Variants in ACBD6 observed in about 807,000 individuals in gnomAD.
ACBD6 encodes acyl-CoA-binding domain-containing protein 6.
ACBD6 carries 28 observed loss-of-function variants against 37.2 expected under a neutral mutation model. The ratio of observed to expected loss-of-function variants is 0.75; its 90% CI spans 0.56 to 1.03. The LOEUF is 1.03. ACBD6 is among the 50% of genes least tolerant of loss of function. The pLI, the probability that ACBD6 is intolerant of heterozygous loss-of-function variation, is 0.00. For missense variants in ACBD6, 340 were observed against 337.4 expected (o/e 1.01, Z -0.06); for synonymous variants, 113 against 126.8 (o/e 0.89, Z 0.73).
intron 2 of ACBD6, among the ~76,000 whole-genome samples, chr1:180,494,656 A>C (rs1320033642): frequency 6.6e-6 from 1 of 152,190 alleles, no homozygotes. Context: ...GTAAGAACCC[A>C]TATTTTATCA....
chr1:180,347,556 C>G (rs963098685), intron 6 of ACBD6, among the ~76,000 whole-genome samples: 14 of 152,132 alleles, frequency 9.2e-5, no homozygotes, highest in Admixed American at 3.3e-4. Flanking sequence ...AGGGTTTCAC[C>G]ATGTTGGCCC....
rs60952361 is a variant in ACBD6, at chr1:180,419,856, AGAGGTGGCAGGT to A, written c.468-6397_468-6386del. ...CTGTCTCAGCACTGGCAGAGGCAGA[AGAGGTGGCAGGT>A]GAGGCAGGCACACTCAGTGTAGCTT... On this transcript the variant is annotated intron_variant, in intron 4 of 7. Transcript: ENST00000367595. 6.6e-3 allele frequency among the ~76,000 whole-genome samples: 1,010 copies of A among 152,322 alleles called. 15 individuals are homozygous for A. Among genetic ancestry groups the A allele is most frequent in the African/African-American group, 0.023 (964 of 41,570 alleles).
intron 3 of ACBD6, among the ~76,000 whole-genome samples, chr1:180,447,817 A>C (rs1649530465): frequency 6.6e-6 from 1 of 152,152 alleles, no homozygotes; most frequent in Non-Finnish European, 1.5e-5. Context: ...CTCAAAAATA[A>C]ACAGGAAAAG....
intron 5 of ACBD6, among the ~76,000 whole-genome samples, chr1:180,412,647 T>C (rs1342468937): frequency 6.6e-6 from 1 of 152,050 alleles, no homozygotes; most frequent in Admixed American, 6.6e-5. Flanking sequence ...AGGAGGATCA[T>C]TTGAGGCCAG....
intron 6 of ACBD6, among the ~76,000 whole-genome samples, chr1:180,351,582 G>GTTTT (rs59490649): frequency 8.2e-5 from 8 of 97,002 alleles, no homozygotes; most frequent in African/African-American, 1.1e-4. Context: ...CCGATATTAC[G>GTTTT]TTTTTTTTTT....
intron 3 of ACBD6, among the ~76,000 whole-genome samples, chr1:180,469,298 G>A (rs1286112413): frequency 6.6e-6 from 1 of 152,016 alleles, no homozygotes; most frequent in Non-Finnish European, 1.5e-5. Context: ...AACAAACATT[G>A]GTAGTTTTGA....
intron 3 of ACBD6, among the ~76,000 whole-genome samples, chr1:180,448,143 T>C (rs904095756): frequency 3.9e-5 from 6 of 152,216 alleles, no homozygotes; most frequent in African/African-American, 1.4e-4. Flanking sequence ...CAGGTACTAA[T>C]AAGCTAATGG....
chr1:180,337,673 G>A (rs182624121), intron 6 of ACBD6, among the ~76,000 whole-genome samples: 168 of 152,306 alleles, frequency 1.1e-3, no homozygotes, highest in African/African-American at 3.3e-3. Context: ...GCAGGAAAAG[G>A]AAATAAAGGG....
chr1:180,350,022 CCT>C (rs1491573380), intron 6 of ACBD6, among the ~76,000 whole-genome samples: 11 of 131,516 alleles, frequency 8.4e-5, no homozygotes, highest in South Asian at 4.6e-4. Context: ...CTCCAGTGAC[CCT>C]TTTTTTTTTT....
intron 3 of ACBD6, among the ~76,000 whole-genome samples, chr1:180,482,875 G>A (rs961998566): frequency 7.9e-5 from 12 of 152,150 alleles, no homozygotes; most frequent in African/African-American, 2.2e-4. Flanking sequence ...AGTGTGTGGG[G>A]CAAGGTACTT....
intron 4 of ACBD6, among the ~76,000 whole-genome samples, chr1:180,419,095 C>CA (rs1648238704): frequency 6.6e-6 from 1 of 152,196 alleles, no homozygotes; most frequent in Non-Finnish European, 1.5e-5. Context: ...ACTAAAAATA[C>CA]AAAAAATTAG....
intron 6 of ACBD6, among the ~76,000 whole-genome samples, chr1:180,358,887 C>G (rs553482265): frequency 6.6e-5 from 10 of 152,334 alleles, no homozygotes; most frequent in African/African-American, 2.4e-4. Context: ...CACTGACCTC[C>G]TCTATGCAGT....
chr1:180,333,688 AC>A (rs915094652), intron 6 of ACBD6, among the ~76,000 whole-genome samples: 49 of 152,326 alleles, frequency 3.2e-4, no homozygotes, highest in African/African-American at 1.1e-3. Flanking sequence ...AGTGCAGCGC[AC>A]TGAGCGTGAG....
At chr1:180,282,681 G>A (rs922961702) in intron 8 of ACBD6, among the ~76,000 whole-genome samples, 4 of 152,150 alleles carry the variant, frequency 2.6e-5, no homozygotes, top group Admixed American at 2.6e-4. Flanking sequence ...CAACTGCAGG[G>A]CTTAAAGCTG....
chr1:180,483,736 A>T (rs1351490541), intron 3 of ACBD6, among the ~76,000 whole-genome samples: 1 of 152,206 alleles, frequency 6.6e-6, no homozygotes, highest in South Asian at 2.1e-4. Flanking sequence ...CTGGAGAGAG[A>T]TCATTAATGT....
At chr1:180,485,100 C>T (rs938032806) in intron 3 of ACBD6, among the ~76,000 whole-genome samples, 1 of 151,440 alleles carries the variant, frequency 6.6e-6, no homozygotes, top group Non-Finnish European at 1.5e-5. Context: ...GTGTGTGTAT[C>T]TATAGATACA....
intron 2 of ACBD6, among the ~76,000 whole-genome samples, chr1:180,493,276 A>AAAAAC (rs1651593881): frequency 8.8e-6 from 1 of 113,370 alleles, no homozygotes; most frequent in Non-Finnish European, 1.8e-5. Context: ...AAAAAAAAAA[A>AAAAAC]AACAACAACA....
At chr1:180,456,436 G>T (rs1467201518) in intron 3 of ACBD6, among the ~76,000 whole-genome samples, 1 of 152,126 alleles carries the variant, frequency 6.6e-6, no homozygotes, top group Non-Finnish European at 1.5e-5. Flanking sequence ...CCATTAATGT[G>T]GGTACAGTAA....
At chr1:180,301,472 T>C (rs2794971) in intron 7 of ACBD6, among the ~76,000 whole-genome samples, 6,890 of 152,268 alleles carry the variant, frequency 0.045, 224 homozygotes, top group Non-Finnish European at 0.059. Flanking sequence ...TAAGATAAAA[T>C]ACATGTATAG....
Sources: allele counts gnomAD v4.1 joint callset (sites outside exome capture counted in the v4.1 genomes callset), GRCh38; gene constraint gnomAD v4.1.1; transcripts MANE v1.5; gene names NCBI Gene and HGNC (gene_info 2026-07-23, HGNC 2026-07-21).